The following VPS28 variants were observed in gnomAD, a reference collection of about 807,000 sequenced individuals.
VPS28 encodes VPS28 subunit of ESCRT-I, also known as vacuolar protein sorting-associated protein 28 homolog.
In VPS28, 29 loss-of-function variants were observed where a neutral mutation model predicts 33.7. The ratio of observed to expected loss-of-function variants is 0.86; its 90% CI spans 0.64 to 1.17. VPS28 has a LOEUF of 1.17. VPS28 is among the 50% of genes most tolerant of loss of function. The probability of loss-of-function intolerance (pLI) is 0.00; values close to 1 mark genes in which losing one functional copy is unlikely to be tolerated. For synonymous variants in VPS28, 164 were observed against 116.7 expected (o/e 1.40, Z -2.61); for missense variants, 247 against 312.2 (o/e 0.79, Z 1.57).
chr8:144,425,618 T>C (rs1299854449), intron 5 of VPS28, 65 bp downstream of exon 5: 10 of 1,559,314 alleles, frequency 6.4e-6, no homozygotes, highest in Non-Finnish European at 8.8e-6. Context: ...CGCCTGCTCT[T>C]GCTGCCTATG....
Position 144,424,940 on chromosome 8 carries a change from A to G in VPS28, c.300+6T>C. On this transcript the variant is annotated splice_donor_region_variant and intron_variant, in intron 6 of 9. Coordinates refer to ENST00000292510, the MANE Select transcript of VPS28 (RefSeq NM_016208.4). ...CCCCATGGGGGTGGAAGGACCAGGCACTCACGCGGAACTTGCGGCAGAATT... is the reference window on the plus strand; with the variant it reads ...CCCCATGGGGGTGGAAGGACCAGGCGCTCACGCGGAACTTGCGGCAGAATT... 6.3e-7 allele frequency: 1 copy of G among 1,587,304 alleles called. No individual in the cohort carries two copies. The highest frequency in any genetic ancestry group is 2.3e-5 in the East Asian group (1 of 43,638).
At position 144,425,505 on chromosome 8, in the gene VPS28, C is replaced by T. The variant is rs548355320; in HGVS notation, c.194+178G>A. On this transcript the variant is annotated intron_variant, in intron 5 of 9. Transcript: ENST00000292510. ...ACACCCCAGGAGCTGCGCCTCTGCC[C>T]GCCTCCCTCACCAGCCCCCAGGACT... The T allele has an allele frequency of 3.4e-4, 214 of 637,136 alleles. 2 individuals carry two copies. The highest frequency in any genetic ancestry group is 1.2e-3 in the South Asian group (59 of 51,116). The allele number at this position is 637,136 out of a possible 1,614,324, so 39.5% of individuals were successfully genotyped here.
At chr8:144,425,843 C>G (rs1450132544) in intron 4 of VPS28, 71 bp from the exon 5 acceptor site, 1 of 1,598,962 alleles carries the variant, frequency 6.3e-7, no homozygotes, top group African/African-American at 1.3e-5. Context: ...CTACCCCCTG[C>G]CCGGAGGTGC....
rs1554876716 is a variant in VPS28, at chr8:144,426,172, C to A, written c.66+8G>T. 8.7e-6 allele frequency: 14 copies of A among 1,606,560 alleles called. 1 individual carries two copies. The South Asian group carries it at 1.6e-4, about 18-fold the overall frequency. ...CCAATGCCGGCCGGGTGGGCACCCA[C>A]CACTCACCTCATACAGCTCCGGCTT... On this transcript the variant is annotated splice_region_variant and intron_variant, in intron 3 of 9. Transcript: ENST00000292510.
intron 6 of VPS28, 56 bp downstream of exon 6, chr8:144,424,890 C>A: frequency 6.2e-7 from 1 of 1,611,368 alleles, no homozygotes; most frequent in Non-Finnish European, 8.5e-7. Context: ...CCTCTGGCAC[C>A]CCATACCCAT....
intron 1 of VPS28, among the ~76,000 whole-genome samples, chr8:144,428,168 G>A (rs1047856335): frequency 2.0e-5 from 3 of 152,220 alleles, no homozygotes; most frequent in Admixed American, 6.5e-5. Context: ...GCGAGCCGCG[G>A]GGTGGGGACC....
rs1554875802 is a variant in VPS28, at chr8:144,423,847, C to G, written c.624G>C (p.Leu208=). ...GGTTGAAGGCGTTGTAGGCTGACTCCAGGTCGAACAGCATCTGACGCACCT... is the reference window on the plus strand; with the variant it reads ...GGTTGAAGGCGTTGTAGGCTGACTCGAGGTCGAACAGCATCTGACGCACCT... ...DSQVRQMLFD[L]ESAYNAFNRF... Residue 208 remains leucine, a synonymous_variant, in exon 10 of 10, where the codon CTG becomes CTC. Coordinates refer to ENST00000292510, the MANE Select transcript of VPS28 (RefSeq NM_016208.4). The G allele has an allele frequency of 6.2e-7, 1 of 1,613,160 alleles. No homozygotes were observed. The highest frequency in any genetic ancestry group is 1.7e-5 in the Admixed American group (1 of 60,036).
Position 144,426,890 on chromosome 8 carries a change from C to T in VPS28, c.37+19G>A. On this transcript the variant is annotated intron_variant, in intron 2 of 9. Coordinates refer to ENST00000292510, the MANE Select transcript of VPS28 (RefSeq NM_016208.4). ...CTGCAGAAGCGGCTGAAAGCCTGCGCCCTTCCAGCCACACTCACCTCCTAT... is the reference window on the plus strand; with the variant it reads ...CTGCAGAAGCGGCTGAAAGCCTGCGTCCTTCCAGCCACACTCACCTCCTAT... 1 of 1,612,146 alleles carries T rather than the reference C, an allele frequency of 6.2e-7. No homozygotes were observed. The highest frequency in any genetic ancestry group is 8.5e-7 in the Non-Finnish European group (1 of 1,179,576).
Position 144,425,015 on chromosome 8 carries a change from G to A in VPS28, c.231C>T (p.Tyr77=), listed in dbSNP as rs1554876354. Residue 77 remains tyrosine (Y), a synonymous_variant, in exon 6 of 10, where the codon TAC becomes TAT. Transcript: ENST00000292510. ...TAACSRLLVQ[Y]KAAFRQVQGS... ...CCTGGACCTGCCTGAAGGCAGCTTTGTATTGGACCAGGAGCCGGGAGCAGG... is the reference window on the plus strand; with the variant it reads ...CCTGGACCTGCCTGAAGGCAGCTTTATATTGGACCAGGAGCCGGGAGCAGG... The A allele has an allele frequency of 3.2e-6, 5 of 1,554,108 alleles. No individual in the cohort carries two copies. Among genetic ancestry groups the A allele is most frequent in the South Asian group, 1.2e-5 (1 of 84,430 alleles).
chr8:144,424,892 C>G (rs1168157015), intron 6 of VPS28, 54 bp downstream of exon 6: 1 of 1,610,958 alleles, frequency 6.2e-7, no homozygotes. Flanking sequence ...TCTGGCACCC[C>G]ATACCCATGC....
chr8:144,428,120 G>A (rs1177608939), intron 1 of VPS28, among the ~76,000 whole-genome samples: 2 of 152,108 alleles, frequency 1.3e-5, no homozygotes, highest in African/African-American at 4.8e-5. Flanking sequence ...TGTAGGTAGG[G>A]AACGTCTGGG....
At position 144,423,691 on chromosome 8, in the gene VPS28, C is replaced by T. The variant is rs1297259158; in HGVS notation, c.*114G>A. 3.7e-6 allele frequency: 5 copies of T among 1,353,508 alleles called. No individual in the cohort carries two copies. Among genetic ancestry groups the T allele is most frequent in the Non-Finnish European group, 5.1e-6 (5 of 971,610 alleles). 83.8% of individuals were successfully genotyped at this position (1,353,508 alleles called of 1,614,324 possible). ...TCTGACACCAAAGACAGACACCAGA[C>T]AGGCAGCTGCAGACAGTGAGTTGTG... On this transcript the variant is annotated 3_prime_UTR_variant, in exon 10 of 10. Transcript: ENST00000292510.
In VPS28 at chr8:144,426,857, G is replaced by A. The variant is rs782741625; in HGVS notation, c.37+52C>T. On this transcript the variant is annotated intron_variant, in intron 2 of 9. Transcript: ENST00000292510. ...CGATCCCCAATACCCAATACTGCCC[G>A]TCAGCCCCTGCAGAAGCGGCTGAAA... 9.4e-5 allele frequency: 151 copies of A among 1,600,280 alleles called. 1 individual carries two copies. The Admixed American group carries it at 1.3e-3, about 14-fold the overall frequency.
chr8:144,426,931 G>C lies in VPS28; in HGVS notation c.15C>G (p.Ile5Met). The C allele has an allele frequency of 1.2e-6, 2 of 1,612,702 alleles. No individual in the cohort carries two copies. The highest frequency in any genetic ancestry group is 4.5e-5 in the East Asian group (2 of 44,872). MFHG[I>M]PATPGIGAPG... is the part of the protein sequence containing the mutation. ...CACCTCCTATGCCCGGCGTGGCTGG[G>C]ATCCCATGAAACATCCTCTAGGCTC... Residue 5 changes from isoleucine (I) to methionine (M), a missense_variant, in exon 2 of 10, where the codon ATC (isoleucine) becomes ATG (methionine). By Grantham distance (10) the Ile-to-Met change is conservative (BLOSUM62 1). Transcript: ENST00000292510.
intron 2 of VPS28, 46 bp downstream of exon 2, chr8:144,426,863 C>G: frequency 6.2e-7 from 1 of 1,609,324 alleles, no homozygotes; most frequent in African/African-American, 1.3e-5. Context: ...GCCCGTCAGC[C>G]CCTGCAGAAG....
At chr8:144,427,234 G>A in intron 1 of VPS28, 1 of 292,014 alleles carries the variant, frequency 3.4e-6, no homozygotes, top group South Asian at 3.4e-5. Flanking sequence ...AGGAGGTGAA[G>A]GTTTCAATGA....
At chr8:144,426,261 C>G in intron 2 of VPS28, 53 bp from the exon 3 acceptor site, 1 of 1,540,204 alleles carries the variant, frequency 6.5e-7, no homozygotes, top group Non-Finnish European at 8.7e-7. Flanking sequence ...AACCCAAGGG[C>G]AGACTCCAGT....
intron 1 of VPS28, 136 bp downstream of exon 1, chr8:144,428,353 A>G (rs1822957824): frequency 6.6e-6 from 1 of 152,290 alleles, no homozygotes; most frequent in Non-Finnish European, 1.5e-5. Flanking sequence ...CAGTTTCTAG[A>G]ACATGCCAAT....
At chr8:144,425,416 G>A (rs1822663491) in intron 5 of VPS28, 3 of 576,922 alleles carry the variant, frequency 5.2e-6, no homozygotes, top group African/African-American at 3.7e-5. Flanking sequence ...ACATCCCCAA[G>A]CCTCTCGACC....
Sources: gnomAD v4.1 joint callset for allele counts (sites outside exome capture counted in the v4.1 genomes callset) on GRCh38, gnomAD v4.1.1 for gene constraint, MANE v1.5 for transcripts, NCBI Gene and HGNC (gene_info 2026-07-23, HGNC 2026-07-21) for gene names.